Variants in MPDZ observed in about 807,000 individuals in gnomAD.
MPDZ encodes multiple PDZ domain crumbs cell polarity complex component.
In MPDZ, 234 loss-of-function variants were observed where a neutral mutation model predicts 239.1. The observed-to-expected ratio is 0.98, with a 90% confidence interval of 0.88 to 1.09. The LOEUF (loss-of-function observed/expected upper bound fraction) is 1.09. MPDZ is among the 50% of genes least tolerant of loss of function. The pLI, the probability that MPDZ is intolerant of heterozygous loss-of-function variation, is 0.00. For missense variants in MPDZ, 3,175 were observed against 2,510.0 expected, an observed-to-expected ratio of 1.26 and a Z score of -5.66; for synonymous variants, 1,048 against 881.3, an observed-to-expected ratio of 1.19 and a Z score of -3.35.
rs17273542 is a variant in MPDZ, at chr9:13,224,492, G to A, written c.275C>T (p.Ser92Leu). 15,537 of 1,612,678 alleles carry A rather than the reference G, an allele frequency of 9.6e-3. 110 individuals are homozygous for A. Among genetic ancestry groups the A allele is most frequent in the Non-Finnish European group, 0.011 (12,891 of 1,179,102 alleles). ...CCCATTGTTTGGGGATAATAAAAAC[G>A]ATTCATTTTGCAGAGTAGGAATCAC... Reference protein sequence around the residue: ...PAVIPTLQNESFLLSPNNGNL... With the variant: ...PAVIPTLQNELFLLSPNNGNL... Residue 92 changes from serine (S) to leucine (L), a missense_variant, in exon 4 of 47, where the codon TCG becomes TTG. Ser to Leu is a moderately radical substitution (Grantham distance 145). Coordinates refer to ENST00000319217, the MANE Select transcript of MPDZ (RefSeq NM_001378778.1).
intron 1 of MPDZ, among the ~76,000 whole-genome samples, chr9:13,270,649 T>C (rs1972752514): frequency 6.6e-6 from 1 of 151,838 alleles, no homozygotes; most frequent in East Asian, 1.9e-4. Context: ...TTAAACAAAA[T>C]ATATTATTAA....
chr9:13,139,933 C>CA (rs765796914), intron 28 of MPDZ, 54 bp downstream of exon 28: 45 of 1,596,392 alleles, frequency 2.8e-5, no homozygotes, highest in Non-Finnish European at 3.6e-5. Context: ...TTGAGAAACT[C>CA]AGAGCTATTT....
rs754017078 is a variant in MPDZ at position 13,183,573 on chromosome 9, C to T, written c.2494G>A (p.Asp832Asn). 2 of 1,612,092 alleles carry T rather than the reference C, an allele frequency of 1.2e-6. No homozygotes were observed. Among genetic ancestry groups the T allele is most frequent in the South Asian group, 2.2e-5 (2 of 90,976 alleles). ...RADLALVGTN[D>N]ADLVDESTFE... ...GTGGATTCATCTACTAAGTCAGCATCATTTGTGCCCACCTAGAAACAAAAC... is the reference window on the plus strand; with the variant it reads ...GTGGATTCATCTACTAAGTCAGCATTATTTGTGCCCACCTAGAAACAAAAC... The change falls in exon 19 of 47, where the codon GAT becomes AAT. Residue 832 changes from aspartate (D) to asparagine (N), a missense_variant. By Grantham distance (23) the Asp-to-Asn change is conservative. Coordinates refer to ENST00000319217, the MANE Select transcript of MPDZ (RefSeq NM_001378778.1).
chr9:13,110,409 AT>A (rs1167177169), intron 44 of MPDZ, among the ~76,000 whole-genome samples: 1 of 152,266 alleles, frequency 6.6e-6, no homozygotes, highest in South Asian at 2.1e-4. Flanking sequence ...TAAGGCCTGG[AT>A]TTTTTTCCCC....
chr9:13,119,848 G>C (rs921835979), intron 38 of MPDZ, 199 bp from the exon 39 acceptor site: 1 of 593,552 alleles, frequency 1.7e-6, no homozygotes, highest in Non-Finnish European at 2.9e-6. Flanking sequence ...GTGCTTCATA[G>C]ATTAAAATGA....
At chr9:13,223,945 A>C (rs1429453970) in intron 4 of MPDZ, among the ~76,000 whole-genome samples, 1 of 151,952 alleles carries the variant, frequency 6.6e-6, no homozygotes, top group Non-Finnish European at 1.5e-5. Context: ...GAGGCAGGAG[A>C]ATCCCTTGAG....
chr9:13,213,801 T>C (rs1957947332), intron 10 of MPDZ, among the ~76,000 whole-genome samples: 1 of 152,060 alleles, frequency 6.6e-6, no homozygotes, highest in Non-Finnish European at 1.5e-5. Context: ...TCCACTTATA[T>C]AAGAATGAAG....
intron 10 of MPDZ, among the ~76,000 whole-genome samples, chr9:13,208,063 T>TC (rs1191872052): frequency 1.3e-5 from 2 of 152,228 alleles, no homozygotes; most frequent in African/African-American, 4.8e-5. Flanking sequence ...CTCAAATGTT[T>TC]ACTAAGTTAG....
At position 13,113,962 on chromosome 9, in the gene MPDZ, C is replaced by T. The variant is rs762772781; in HGVS notation, c.5526G>A (p.Glu1842=). 16 of 1,597,618 alleles carry T rather than the reference C, an allele frequency of 1.0e-5. No individual in the cohort carries two copies. In the Admixed American group the frequency reaches 2.2e-4, roughly 22 times the overall value. Residue 1842 remains glutamate (E), a synonymous_variant, in exon 41 of 47, where the codon GAG becomes GAA. Coordinates refer to ENST00000319217, the MANE Select transcript of MPDZ (RefSeq NM_001378778.1). The stretch of plus-strand genomic sequence containing the variant: ...TCTTCTTTGAGCTACTTTCCAGTGA[C>T]TCAGATGTACTGGATCCAGAGAGTG... ...TFPLSGSSTS[E]SLESSSKKNA...
chr9:13,120,097 T>C (rs1404107080), intron 38 of MPDZ: 2 of 165,436 alleles, frequency 1.2e-5, no homozygotes. Context: ...TCATAACAGA[T>C]GTGTATCTCA....
At chr9:13,117,024 A>G (rs1943566867) in intron 39 of MPDZ, among the ~76,000 whole-genome samples, 1 of 152,086 alleles carries the variant, frequency 6.6e-6, no homozygotes, top group Admixed American at 6.5e-5. Flanking sequence ...AACTCTATAT[A>G]TACTATGTTT....
At chr9:13,136,333 T>TG (rs1946775251) in intron 30 of MPDZ, among the ~76,000 whole-genome samples, 151 bp from the exon 31 acceptor site, 1 of 130,082 alleles carries the variant, frequency 7.7e-6, no homozygotes, top group Non-Finnish European at 1.6e-5. Flanking sequence ...TTCTTTTTTT[T>TG]TTTTTTTTTT....
rs774639106 is a variant in MPDZ at position 13,150,594 on chromosome 9, T to G, written c.3547A>C (p.Arg1183=). ...GSRLSNGEVM[R]GIFIKHVLED... Reference sequence around the variant, plus strand: ...AGAACATGTTTGATGAAAATGCCCCTCATCACTTCTCCATTGCTTAGCCGA... The same window carrying G: ...AGAACATGTTTGATGAAAATGCCCCGCATCACTTCTCCATTGCTTAGCCGA... The change falls in exon 25 of 47, where the codon AGG becomes CGG. Residue 1183 remains arginine, a synonymous_variant. Transcript: ENST00000319217. The G allele has an allele frequency of 1.9e-6, 3 of 1,560,336 alleles. No homozygotes were observed. The highest frequency in any genetic ancestry group is 2.6e-6 in the Non-Finnish European group (3 of 1,151,726).
chr9:13,165,095 G>C (rs1190330871), intron 22 of MPDZ, among the ~76,000 whole-genome samples: 1 of 152,098 alleles, frequency 6.6e-6, no homozygotes, highest in African/African-American at 2.4e-5. Context: ...AGACAGGATC[G>C]TTCCCTTACA....
Position 13,205,093 on chromosome 9 carries a change from C to G in MPDZ, c.1489G>C (p.Asp497His). ...CTCGTCGAAGATAAAAAATCTTCAT[C>G]TTTTTCATAATTTTCTTAAAGATAA... is the stretch of plus-strand genomic sequence containing the variant. ...ASIIKENYEK[D>H]EDFLSSTRNT... is the part of the protein sequence containing the mutation. The change falls in exon 12 of 47, where the codon GAT (aspartate) becomes CAT (histidine). Residue 497 changes from aspartate (D) to histidine (H), a missense_variant. Asp to His is a moderately conservative substitution (Grantham distance 81). Coordinates refer to ENST00000319217, the MANE Select transcript of MPDZ (RefSeq NM_001378778.1). 7.0e-7 allele frequency: 1 copy of G among 1,434,244 alleles called. No homozygotes were observed. Among genetic ancestry groups the G allele is most frequent in the Non-Finnish European group, 9.2e-7 (1 of 1,089,754 alleles). 88.8% of individuals were successfully genotyped at this position (1,434,244 alleles called of 1,614,324 possible).
intron 1 of MPDZ, among the ~76,000 whole-genome samples, chr9:13,273,601 C>A (rs1245839216): frequency 1.3e-5 from 2 of 152,122 alleles, no homozygotes; most frequent in Admixed American, 1.3e-4. Flanking sequence ...AGGGGATGAT[C>A]TGCATCATTC....
Position 13,140,091 on chromosome 9 carries a change from G to A in MPDZ, c.3899C>T (p.Pro1300Leu), listed in dbSNP as rs1263935474. ...EKAPLCSVPPPPPSAFAEMGS... is the reference protein window; with the variant it reads ...EKAPLCSVPPLPPSAFAEMGS... Reference sequence around the variant, plus strand: ...CATTTCGGCAAAGGCTGAAGGAGGGGGTGGGGGCACACTGCACAATGGAGC... The same window carrying A: ...CATTTCGGCAAAGGCTGAAGGAGGGAGTGGGGGCACACTGCACAATGGAGC... Residue 1300 changes from proline to leucine, a missense_variant, in exon 28 of 47, where the codon CCC becomes CTC. Coordinates refer to ENST00000319217, the MANE Select transcript of MPDZ (RefSeq NM_001378778.1). 4 of 1,613,324 alleles carry A rather than the reference G, an allele frequency of 2.5e-6. No individual in the cohort carries two copies. Among genetic ancestry groups the A allele is most frequent in the East Asian group, 2.2e-5 (1 of 44,724 alleles).
chr9:13,190,054 G>A lies in MPDZ; in HGVS notation c.2154+60C>T, dbSNP rs1476204840. ...TGATGGTTATAAACTATCATCATCT[G>A]CTTTTTCTTTGATAGCAACAATAGG... On this transcript the variant is annotated intron_variant, in intron 16 of 46. Transcript: ENST00000319217. 7 of 1,450,342 alleles carry A rather than the reference G, an allele frequency of 4.8e-6. No homozygotes were observed. In the East Asian group the frequency reaches 1.5e-4, roughly 30 times the overall value. 89.8% of individuals were successfully genotyped at this position (1,450,342 alleles called of 1,614,324 possible). A position where few individuals can be genotyped will look rare whatever the true frequency, so the allele number is the denominator to read the frequency against.
At chr9:13,192,317 C>T (rs771703166) in intron 14 of MPDZ, 22 bp from the exon 15 acceptor site, 1 of 1,569,566 alleles carries the variant, frequency 6.4e-7, no homozygotes, top group Admixed American at 1.9e-5. Context: ...GATACATTGT[C>T]CAACAAACAA....
Sources: gnomAD v4.1 joint callset for allele counts (sites outside exome capture counted in the v4.1 genomes callset) on GRCh38, gnomAD v4.1.1 for gene constraint, MANE v1.5 for transcripts, NCBI Gene and HGNC (gene_info 2026-07-23, HGNC 2026-07-21) for gene names.